The following ZNF487 variants were observed in gnomAD, a reference collection of about 807,000 sequenced individuals.
ZNF487 encodes the protein zinc finger protein 487.
Under a neutral mutation model 3.0 loss-of-function variants are expected in ZNF487, and 4 were observed. The observed-to-expected ratio is 1.35, with a 90% CI of 0.66 to 3.08. ZNF487 has a LOEUF of 3.08. Ranked by LOEUF, ZNF487 falls within the 30% of genes most tolerant of loss-of-function variation. The pLI is 0.01. For missense variants in ZNF487, 146 were observed against 98.7 expected, an observed-to-expected ratio of 1.48 and a Z score of -2.03; for synonymous variants, 55 against 34.6, an observed-to-expected ratio of 1.59 and a Z score of -2.06.
intron 1 of ZNF487, among the ~76,000 whole-genome samples, chr10:43,457,101 G>A (rs1474908965): frequency 1.3e-5 from 2 of 152,122 alleles, no homozygotes; most frequent in Non-Finnish European, 2.9e-5. Flanking sequence ...GAACTCCAGA[G>A]GGGTGAATGT....
chr10:43,439,236 C>T lies in ZNF487; in HGVS notation c.-94+1974C>T, dbSNP rs77846010. 4.8e-3 allele frequency among the ~76,000 whole-genome samples: 725 copies of T among 151,638 alleles called. 7 individuals are homozygous for T. The highest frequency in any genetic ancestry group is 0.017 in the African/African-American group (700 of 41,338). On this transcript the variant is annotated intron_variant, in intron 1 of 3. Coordinates refer to ENST00000437590, the MANE Select transcript of ZNF487 (RefSeq NM_001355444.3). ...CAGCCTGGGTGACAGAACGAGATTC[C>T]GTCTCAAAAAAAAATCAGCTGGGCA...
the ZNF487 span, among the ~76,000 whole-genome samples, chr10:43,505,738 G>A: frequency 6.8e-6 from 1 of 147,862 alleles, no homozygotes; most frequent in African/African-American, 2.5e-5. Context: ...TGCCTCCCAG[G>A]TTCAAGGAAT....
intron 3 of ZNF487, among the ~76,000 whole-genome samples, chr10:43,479,971 T>TTTTCTTTTCTTTC: frequency 8.0e-6 from 1 of 125,228 alleles, no homozygotes; most frequent in African/African-American, 3.5e-5. Context: ...TCTTTCTTTC[T>TTTTCTTTTCTTTC]TTTCTTTCTT....
At chr10:43,488,845 G>C in the ZNF487 span, among the ~76,000 whole-genome samples, 1 of 151,904 alleles carries the variant, frequency 6.6e-6, no homozygotes, top group Non-Finnish European at 1.5e-5. Context: ...GGCCAGGAGT[G>C]GTGGCTTACT....
chr10:43,447,393 C>T (rs1839853115), intron 1 of ZNF487, among the ~76,000 whole-genome samples: 1 of 152,140 alleles, frequency 6.6e-6, no homozygotes. Context: ...AGGCATGTGC[C>T]ACCATGCCCA....
the ZNF487 span, among the ~76,000 whole-genome samples, chr10:43,498,095 ATATATTTTTT>A: frequency 7.9e-5 from 1 of 12,624 alleles, no homozygotes; most frequent in Non-Finnish European, 1.3e-4. Context: ...ATATATATAT[ATATATTTTTT>A]TTTTTTTTCT....
At chr10:43,468,397 C>T (rs573213553) in intron 1 of ZNF487, among the ~76,000 whole-genome samples, 12 of 151,942 alleles carry the variant, frequency 7.9e-5, no homozygotes, top group Middle Eastern at 3.4e-3. Flanking sequence ...AAGGAAGAGC[C>T]GGCCGGGTGC....
chr10:43,471,325 C>T (rs902750751), intron 1 of ZNF487, among the ~76,000 whole-genome samples: 4 of 152,134 alleles, frequency 2.6e-5, no homozygotes, highest in East Asian at 1.9e-4. Flanking sequence ...ACTTGGATGG[C>T]GGTGCCAAGG....
At chr10:43,459,316 G>C (rs182720534) in intron 1 of ZNF487, among the ~76,000 whole-genome samples, 2 of 151,736 alleles carry the variant, frequency 1.3e-5, no homozygotes, top group Non-Finnish European at 2.9e-5. Flanking sequence ...TTCATCCTCC[G>C]CCTCCCAGGT....
the ZNF487 span, among the ~76,000 whole-genome samples, chr10:43,519,133 C>T: frequency 6.6e-6 from 1 of 151,746 alleles, no homozygotes; most frequent in South Asian, 2.1e-4. Flanking sequence ...CCAGGCTGGT[C>T]CTGGACTCCT....
chr10:43,475,285 C>A (rs1462125479), intron 1 of ZNF487, among the ~76,000 whole-genome samples: 1 of 152,030 alleles, frequency 6.6e-6, no homozygotes, highest in African/African-American at 2.4e-5. Context: ...TTTGGGAGGC[C>A]AGGGCAGGAG....
chr10:43,515,680 G>A, the ZNF487 span, among the ~76,000 whole-genome samples: 5 of 152,064 alleles, frequency 3.3e-5, no homozygotes, highest in African/African-American at 4.8e-5. Flanking sequence ...CACAATTTTC[G>A]CTCTTTCTCT....
the ZNF487 span, among the ~76,000 whole-genome samples, chr10:43,506,009 T>G: frequency 6.6e-6 from 1 of 152,246 alleles, no homozygotes; most frequent in African/African-American, 2.4e-5. Context: ...GAATACTGAC[T>G]TTTATGTTTG....
At chr10:43,438,318 G>A (rs908986835) in intron 1 of ZNF487, among the ~76,000 whole-genome samples, 1 of 151,964 alleles carries the variant, frequency 6.6e-6, no homozygotes, top group African/African-American at 2.4e-5. Flanking sequence ...CCCAAGTGAC[G>A]AGGGTTACAG....
At chr10:43,442,263 AACAAC>A (rs2132033728) in intron 1 of ZNF487, among the ~76,000 whole-genome samples, 1 of 149,436 alleles carries the variant, frequency 6.7e-6, no homozygotes, top group African/African-American at 2.5e-5. Context: ...CAACAACAAC[AACAAC>A]AAAAAAAAAA....
rs1215789961 is a variant in ZNF487, at chr10:43,442,268, C to CAAA, written c.-94+5014_-94+5016dup. Among the ~76,000 whole-genome samples, 136 of 133,696 alleles carry CAAA rather than the reference C, an allele frequency of 1.0e-3. 1 individual carries two copies. The highest frequency in any genetic ancestry group is 2.6e-3 in the African/African-American group (96 of 36,788). The allele number at this position is 133,696 out of a possible 152,430, so 87.7% of individuals were successfully genotyped here. A position where few individuals can be genotyped will look rare whatever the true frequency, so the allele number is the denominator to read the frequency against. On this transcript the variant is annotated intron_variant, in intron 1 of 3. Coordinates refer to ENST00000437590, the MANE Select transcript of ZNF487 (RefSeq NM_001355444.3). ...ACAACAACAACAACAACAACAACAA[C>CAAA]AAAAAAAAAACAAAGAAAAAAACTC... is the stretch of plus-strand genomic sequence containing the variant.
At chr10:43,455,564 A>AGGGCG (rs1207437770) in intron 1 of ZNF487, among the ~76,000 whole-genome samples, 18 of 152,324 alleles carry the variant, frequency 1.2e-4, no homozygotes, top group Non-Finnish European at 2.2e-4. Flanking sequence ...GACGCAGCTC[A>AGGGCG]GGGCGGGGCG....
intron 1 of ZNF487, among the ~76,000 whole-genome samples, chr10:43,463,120 G>C (rs1292135037): frequency 1.3e-5 from 2 of 151,970 alleles, no homozygotes; most frequent in Non-Finnish European, 2.9e-5. Context: ...TGTAATCCCA[G>C]CTGCTCGGGA....
At chr10:43,466,489 G>A (rs188249056) in intron 1 of ZNF487, among the ~76,000 whole-genome samples, 7,288 of 147,488 alleles carry the variant, frequency 0.049, 261 homozygotes, top group South Asian at 0.12. Context: ...TGCAACCTCC[G>A]CCTCCTGGGT....
Sources: gnomAD v4.1 joint callset for allele counts (sites outside exome capture counted in the v4.1 genomes callset) on GRCh38, gnomAD v4.1.1 for gene constraint, MANE v1.5 for transcripts, NCBI Gene and HGNC (gene_info 2026-07-23, HGNC 2026-07-21) for gene names.